The following CSMD1 variants were observed in gnomAD, a reference collection of about 807,000 sequenced individuals.
CSMD1 encodes CUB and sushi domain-containing protein 1.
CSMD1 carries 213 observed loss-of-function variants against 417.5 expected under a neutral mutation model. The observed-to-expected ratio is 0.51, with a 90% confidence interval of 0.46 to 0.57. The LOEUF is 0.57. CSMD1 is among the 20% of genes least tolerant of loss of function. CSMD1 has a pLI of 0.00. For missense variants in CSMD1, 6,923 were observed against 4,529.7 expected (o/e 1.53, Z -15.17); for synonymous variants, 2,862 against 1,736.8 (o/e 1.65, Z -16.11).
intron 2 of CSMD1, among the ~76,000 whole-genome samples, chr8:4,514,167 CT>C (rs1802986935): frequency 6.6e-6 from 1 of 152,094 alleles, no homozygotes; most frequent in East Asian, 1.9e-4. Flanking sequence ...CTCTTCCTGG[CT>C]TGCAAAATGC....
intron 2 of CSMD1, among the ~76,000 whole-genome samples, chr8:4,479,002 A>G (rs902574860): frequency 6.6e-6 from 1 of 152,182 alleles, no homozygotes; most frequent in Non-Finnish European, 1.5e-5. Flanking sequence ...TTCCTACACT[A>G]AAACACTGTT....
At chr8:4,320,211 G>A (rs761934935) in intron 3 of CSMD1, among the ~76,000 whole-genome samples, 12 of 152,038 alleles carry the variant, frequency 7.9e-5, no homozygotes, top group Admixed American at 2.6e-4. Context: ...GTGATATCTC[G>A]CATCTAAGCA....
intron 23 of CSMD1, among the ~76,000 whole-genome samples, chr8:3,314,591 T>C (rs2117438759): frequency 6.6e-6 from 1 of 152,352 alleles, no homozygotes; most frequent in South Asian, 2.1e-4. Flanking sequence ...TATTTCTTTG[T>C]TTTCTAGTGA....
intron 53 of CSMD1, among the ~76,000 whole-genome samples, chr8:2,998,768 A>G (rs1431702563): frequency 6.6e-6 from 1 of 152,244 alleles, no homozygotes; most frequent in African/African-American, 2.4e-5. Context: ...CATGCCCCAG[A>G]TAACAGCAAG....
At chr8:4,992,906 C>T (rs1468990437) in intron 1 of CSMD1, among the ~76,000 whole-genome samples, 1 of 152,182 alleles carries the variant, frequency 6.6e-6, no homozygotes, top group Non-Finnish European at 1.5e-5. Context: ...CCGCAGACAC[C>T]CCCTTGTGAG....
At chr8:2,959,699 G>C (rs1016362388) in intron 62 of CSMD1, among the ~76,000 whole-genome samples, 2 of 152,064 alleles carry the variant, frequency 1.3e-5, no homozygotes, top group Non-Finnish European at 2.9e-5. Flanking sequence ...CCTAACACAG[G>C]GACATTTCAC....
chr8:4,159,930 G>A (rs999695373), intron 3 of CSMD1, among the ~76,000 whole-genome samples: 12 of 151,946 alleles, frequency 7.9e-5, no homozygotes, highest in African/African-American at 2.9e-4. Context: ...AAACTTTCGG[G>A]CCTTGAGGGG....
At chr8:4,406,540 A>C (rs1805033240) in intron 3 of CSMD1, among the ~76,000 whole-genome samples, 1 of 152,168 alleles carries the variant, frequency 6.6e-6, no homozygotes, top group East Asian at 1.9e-4. Flanking sequence ...AAGAAGTTTG[A>C]GGAGCACAGA....
At chr8:3,534,957 A>G (rs1168351707) in intron 10 of CSMD1, among the ~76,000 whole-genome samples, 1 of 152,034 alleles carries the variant, frequency 6.6e-6, no homozygotes, top group Non-Finnish European at 1.5e-5. Context: ...TTACTTATTT[A>G]TTTATTTATT....
At chr8:3,310,452 G>A (rs1423577736) in intron 23 of CSMD1, among the ~76,000 whole-genome samples, 1 of 152,162 alleles carries the variant, frequency 6.6e-6, no homozygotes, top group Non-Finnish European at 1.5e-5. Flanking sequence ...ACTTGTTGGA[G>A]GTGATGATTC....
At position 2,967,650 on chromosome 8, in the gene CSMD1, G is replaced by C. The variant is rs566422407; in HGVS notation, c.8924-904C>G. On this transcript the variant is annotated intron_variant, in intron 57 of 69. Transcript: ENST00000635120. ...AAATAAAGGAAGTGACCCTTGGCTG[G>C]TTAACAAGAATATATATCATGAGAC... Among the ~76,000 whole-genome samples, 52 of 152,190 alleles carry C rather than the reference G, an allele frequency of 3.4e-4. 1 individual carries two copies. The highest frequency in any genetic ancestry group is 2.9e-3 in the Admixed American group (44 of 15,274).
At chr8:4,018,758 C>T (rs1162305995) in intron 4 of CSMD1, among the ~76,000 whole-genome samples, 1 of 152,078 alleles carries the variant, frequency 6.6e-6, no homozygotes, top group Non-Finnish European at 1.5e-5. Context: ...TGACAAGGGC[C>T]GTGGCACAGA....
At chr8:4,826,294 T>C (rs1388794843) in intron 1 of CSMD1, among the ~76,000 whole-genome samples, 1 of 151,996 alleles carries the variant, frequency 6.6e-6, no homozygotes, top group East Asian at 1.9e-4. Context: ...CATACGTATA[T>C]GTATGTGTGT....
chr8:3,627,165 G>A (rs1796533888), intron 7 of CSMD1, among the ~76,000 whole-genome samples: 1 of 152,080 alleles, frequency 6.6e-6, no homozygotes, highest in Admixed American at 6.6e-5. Context: ...AATATGTGCA[G>A]TGCAATTTCA....
intron 2 of CSMD1, among the ~76,000 whole-genome samples, chr8:4,580,385 T>C (rs1004693086): frequency 6.6e-6 from 1 of 152,242 alleles, no homozygotes; most frequent in Non-Finnish European, 1.5e-5. Context: ...ACCATCTTCC[T>C]TTGTTGTGTA....
At chr8:4,884,477 G>A (rs530110564) in intron 1 of CSMD1, among the ~76,000 whole-genome samples, 1 of 151,872 alleles carries the variant, frequency 6.6e-6, no homozygotes, top group African/African-American at 2.4e-5. Context: ...AGAGATTCAT[G>A]CCTGTGTTTT....
intron 4 of CSMD1, among the ~76,000 whole-genome samples, chr8:4,025,583 TG>T (rs1797019061): frequency 6.6e-6 from 1 of 152,138 alleles, no homozygotes; most frequent in Middle Eastern, 3.2e-3. Flanking sequence ...CTGTAAGAAG[TG>T]AAACAGTAAA....
intron 2 of CSMD1, among the ~76,000 whole-genome samples, chr8:4,607,618 CTGGCGCCAGCCATT>C (rs1274823058): frequency 6.6e-6 from 1 of 152,004 alleles, no homozygotes; most frequent in African/African-American, 2.4e-5. Context: ...CATGAGAGTT[CTGGCGCCAGCCATT>C]TTTTGGTGTA....
At chr8:4,084,944 A>T (rs1800341979) in intron 3 of CSMD1, among the ~76,000 whole-genome samples, 1 of 152,228 alleles carries the variant, frequency 6.6e-6, no homozygotes, top group Admixed American at 6.5e-5. Flanking sequence ...GTAATTTGGG[A>T]AAGCACCTGC....
Sources: gnomAD v4.1 joint callset for allele counts (sites outside exome capture counted in the v4.1 genomes callset) on GRCh38, gnomAD v4.1.1 for gene constraint, MANE v1.5 for transcripts, NCBI Gene and HGNC (gene_info 2026-07-23, HGNC 2026-07-21) for gene names.